IGSF10: variants seen among roughly 807,000 people sequenced by gnomAD.
IGSF10 encodes immunoglobulin superfamily member 10, also known as calvaria mechanical force protein 608.
Under a neutral mutation model 128.2 loss-of-function variants are expected in IGSF10, and 126 were observed. That is an observed-to-expected ratio of 0.98 (90% CI 0.85 to 1.14). The LOEUF (loss-of-function observed/expected upper bound fraction) is 1.14, where lower values mean the gene tolerates loss of function less well. IGSF10 is among the 50% of genes most tolerant of loss of function. The pLI is 0.00. For missense variants in IGSF10, 3,295 were observed against 3,149.8 expected, an observed-to-expected ratio of 1.05 and a Z score of -1.10; for synonymous variants, 1,185 against 1,146.2, an observed-to-expected ratio of 1.03 and a Z score of -0.68.
Position 151,438,043 on chromosome 3 carries a change from A to G in IGSF10, c.6518T>C (p.Ile2173Thr). The G allele has an allele frequency of 6.2e-7, 1 of 1,614,162 alleles. No homozygotes were observed. The highest frequency in any genetic ancestry group is 8.5e-7 in the Non-Finnish European group (1 of 1,180,028). ...GTCATTGGAAGGCAGCAACCAAAAT[A>G]TTTTTGGTTTGGGATCCCCAGTGAC... ...CEVTGDPKPK[I>T]FWLLPSNDMI... The change falls in exon 8 of 8, where the codon ATA becomes ACA. Residue 2173 changes from isoleucine (I) to threonine (T), a missense_variant. Physicochemically the swap from Ile to Thr is moderately conservative, Grantham distance 89 (BLOSUM62 -1). Transcript: ENST00000282466.
the IGSF10 span, among the ~76,000 whole-genome samples, chr3:151,613,114 C>T: frequency 6.6e-6 from 1 of 152,086 alleles, no homozygotes; most frequent in Admixed American, 6.6e-5. Context: ...AATAAAATAC[C>T]TAAGAATCCA....
the IGSF10 span, among the ~76,000 whole-genome samples, chr3:151,507,690 A>G: frequency 6.6e-6 from 1 of 152,160 alleles, no homozygotes; most frequent in South Asian, 2.1e-4. Flanking sequence ...AGAACTCACT[A>G]TCATAAGAAC....
At chr3:151,531,840 G>A in the IGSF10 span, among the ~76,000 whole-genome samples, 1 of 152,034 alleles carries the variant, frequency 6.6e-6, no homozygotes, top group Admixed American at 6.6e-5. Flanking sequence ...GATCAGAGCA[G>A]AACTGAAGGA....
the IGSF10 span, among the ~76,000 whole-genome samples, chr3:151,578,795 G>C: frequency 2.0e-5 from 3 of 152,322 alleles, no homozygotes; most frequent in East Asian, 5.8e-4. Flanking sequence ...CTATCTTTGA[G>C]GGAAGGACAG....
intron 4 of IGSF10, 35 bp from the exon 5 acceptor site, chr3:151,453,809 C>A: frequency 7.5e-7 from 1 of 1,328,282 alleles, no homozygotes; most frequent in South Asian, 1.6e-5. Flanking sequence ...TTTATGTTGT[C>A]AAAGGAATTT....
intron 3 of IGSF10, among the ~76,000 whole-genome samples, chr3:151,457,925 C>A (rs1721874947): frequency 6.6e-6 from 1 of 152,126 alleles, no homozygotes; most frequent in Admixed American, 6.6e-5. Context: ...CATTGTATCC[C>A]CAGTGCATAG....
rs144521359 is a variant in IGSF10 at position 151,446,836 on chromosome 3, T to C, written c.3145A>G (p.Lys1049Glu). The C allele has an allele frequency of 3.0e-5, 49 of 1,614,192 alleles. No individual in the cohort carries two copies. Among genetic ancestry groups the C allele is most frequent in the African/African-American group, 2.7e-4 (20 of 75,058 alleles). ...GTGGCTGAGAATGCAGTAGTGCTTT[T>C]TTCAGAAGAACCTCTGGTTGTTGAC... ...FRSTTRGSSE[K>E]STTAFSATVL... is the part of the protein sequence containing the mutation. The change falls in exon 6 of 8, where the codon AAA becomes GAA. Residue 1049 changes from lysine to glutamate, a missense_variant. By Grantham distance (56) the Lys-to-Glu change is moderately conservative. Coordinates refer to ENST00000282466, the MANE Select transcript of IGSF10 (RefSeq NM_178822.5).
the IGSF10 span, among the ~76,000 whole-genome samples, chr3:151,491,501 C>A: frequency 1.3e-5 from 2 of 152,082 alleles, no homozygotes; most frequent in African/African-American, 4.8e-5. Flanking sequence ...TCTCTTGAAC[C>A]CAAGAGGTAG....
chr3:151,511,276 C>T, the IGSF10 span, among the ~76,000 whole-genome samples: 1 of 152,210 alleles, frequency 6.6e-6, no homozygotes, highest in Non-Finnish European at 1.5e-5. Context: ...TTGGCAGAAA[C>T]TCTACAAAGC....
chr3:151,614,294 C>T, the IGSF10 span, among the ~76,000 whole-genome samples: 1 of 152,236 alleles, frequency 6.6e-6, no homozygotes, highest in South Asian at 2.1e-4. Flanking sequence ...CTAGAAATAC[C>T]ATTTGACCCA....
Position 151,443,560 on chromosome 3 carries a change from T to C in IGSF10, c.5387A>G (p.Gln1796Arg). ...TGTTCCGTCAACCGTCACCACAGCC[T>C]GCCTACTTCCCTGGGATGATTCTGA... Reference protein sequence around the residue: ...VVSESSQGSRQAVVTVDGTLV... With the variant: ...VVSESSQGSRRAVVTVDGTLV... The change falls in exon 7 of 8, where the codon CAG becomes CGG. Residue 1796 changes from glutamine to arginine, a missense_variant. Gln to Arg is a conservative substitution (Grantham distance 43, BLOSUM62 1). Transcript: ENST00000282466. 1 of 1,614,226 alleles carries C rather than the reference T, an allele frequency of 6.2e-7. No individual in the cohort carries two copies. Among genetic ancestry groups the C allele is most frequent in the Non-Finnish European group, 8.5e-7 (1 of 1,180,028 alleles).
the IGSF10 span, among the ~76,000 whole-genome samples, chr3:151,558,465 AT>A: frequency 2.0e-5 from 3 of 151,928 alleles, no homozygotes; most frequent in African/African-American, 7.3e-5. Context: ...TTGCTATACT[AT>A]TGGGGTTTAA....
upstream of IGSF10, among the ~76,000 whole-genome samples, chr3:151,462,843 C>A (rs1722114565): frequency 6.6e-6 from 1 of 152,134 alleles, no homozygotes; most frequent in Admixed American, 6.5e-5. Context: ...TGACAAGATT[C>A]TTTTAAATTA....
At chr3:151,530,673 T>C in the IGSF10 span, among the ~76,000 whole-genome samples, 8 of 152,260 alleles carry the variant, frequency 5.3e-5, no homozygotes, top group Middle Eastern at 3.4e-3. Flanking sequence ...CTGAGAGATT[T>C]TGTCCCCACC....
chr3:151,441,863 C>T (rs1043465811), intron 7 of IGSF10, among the ~76,000 whole-genome samples: 3 of 152,154 alleles, frequency 2.0e-5, no homozygotes, highest in Non-Finnish European at 2.9e-5. Context: ...AGATCAAGAC[C>T]ATCCTGGCTA....
chr3:151,617,260 C>CTTCT, the IGSF10 span, among the ~76,000 whole-genome samples: 538 of 55,450 alleles, frequency 9.7e-3, 9 homozygotes, highest in South Asian at 0.014. Context: ...TCTTCTCCTT[C>CTTCT]TCTTCTTCTT....
the IGSF10 span, among the ~76,000 whole-genome samples, chr3:151,543,014 T>C: frequency 6.6e-6 from 1 of 152,248 alleles, no homozygotes; most frequent in South Asian, 2.1e-4. Context: ...TGTTCAAAAA[T>C]GATTCAGCTC....
chr3:151,450,346 A>G (rs1328529987), intron 5 of IGSF10, among the ~76,000 whole-genome samples: 1 of 152,184 alleles, frequency 6.6e-6, no homozygotes, highest in East Asian at 1.9e-4. Context: ...ACTTAACAAA[A>G]GCATTGTACT....
chr3:151,519,879 C>G, the IGSF10 span, among the ~76,000 whole-genome samples: 130 of 151,814 alleles, frequency 8.6e-4, no homozygotes, highest in South Asian at 0.011. Context: ...ATTGACTTTT[C>G]AAGCTGAAAG....
Sources: gnomAD v4.1 joint callset for allele counts (sites outside exome capture counted in the v4.1 genomes callset) on GRCh38, gnomAD v4.1.1 for gene constraint, MANE v1.5 for transcripts, NCBI Gene and HGNC (gene_info 2026-07-23, HGNC 2026-07-21) for gene names.